CD52: variants seen among roughly 807,000 people sequenced by gnomAD.
CD52 encodes the protein CAMPATH-1 antigen.
Under a neutral mutation model 2.5 loss-of-function variants are expected in CD52, and 2 were observed. That is an observed-to-expected ratio of 0.79 (90% CI 0.32 to 2.48). CD52 has a LOEUF of 2.48. Among genes scored for constraint, CD52 ranks in the 30% most tolerant of loss-of-function variants. CD52 has a pLI of 0.11. For synonymous variants in CD52, 24 were observed against 27.7 expected (o/e 0.87, Z 0.42); for missense variants, 62 against 75.8 (o/e 0.82, Z 0.68).
In CD52 at chr1:26,320,518, C is replaced by A; in HGVS notation, c.*216C>A. ...GGGGGTCAATAAAGTTACCCTTGTA[C>A]TTGCAGTGGGGTCCTGCTTGTGGTT... On this transcript the variant is annotated 3_prime_UTR_variant, in exon 2 of 2. Coordinates refer to ENST00000374213, the MANE Select transcript of CD52 (RefSeq NM_001803.3). 1 of 541,714 alleles carries A rather than the reference C, an allele frequency of 1.8e-6. No individual in the cohort carries two copies. Among genetic ancestry groups the A allele is most frequent in the Non-Finnish European group, 3.2e-6 (1 of 315,050 alleles). The allele number at this position is 541,714 out of a possible 1,614,324, so 33.6% of individuals were successfully genotyped here.
At chr1:26,319,725 T>C (rs1486384800) in intron 1 of CD52, among the ~76,000 whole-genome samples, 2 of 151,852 alleles carry the variant, frequency 1.3e-5, no homozygotes, top group African/African-American at 2.4e-5. Flanking sequence ...GAAGTAGTGG[T>C]CACATGGGGC....
At chr1:26,320,045 G>T (rs113565235) in intron 1 of CD52, 126 bp from the exon 2 acceptor site, 5 of 1,155,806 alleles carry the variant, frequency 4.3e-6, no homozygotes, top group African/African-American at 1.6e-5. Context: ...ACTTGAACCC[G>T]GGAGGTGGAG....
rs2073841897 is a variant in CD52 at position 26,320,370 on chromosome 1, C to G, written c.*68C>G. On this transcript the variant is annotated 3_prime_UTR_variant, in exon 2 of 2. Transcript: ENST00000374213. ...TGCCACCATCACTCGCAAGAGAATCCCCTCCATCTTTGGGAGGGGTTGATG... is the reference window on the plus strand; with the variant it reads ...TGCCACCATCACTCGCAAGAGAATCGCCTCCATCTTTGGGAGGGGTTGATG... 1 of 1,539,752 alleles carries G rather than the reference C, an allele frequency of 6.5e-7. No homozygotes were observed.
chr1:26,318,207 C>T (rs12090258), intron 1 of CD52, 136 bp downstream of exon 1: 118,163 of 755,374 alleles, frequency 0.16, 10,091 homozygotes, highest in Middle Eastern at 0.2. Context: ...AACAGGAAAA[C>T]TGGGGACACA....
intron 1 of CD52, chr1:26,318,446 G>A (rs2073820501): frequency 5.3e-6 from 1 of 189,104 alleles, no homozygotes; most frequent in Non-Finnish European, 1.1e-5. Context: ...GTCCTTTGGG[G>A]AGAGGCCAGG....
intron 1 of CD52, chr1:26,318,368 A>G (rs1380611487): frequency 3.0e-6 from 1 of 333,504 alleles, no homozygotes; most frequent in Non-Finnish European, 5.6e-6. Context: ...AATAATAGAG[A>G]ACTAAGAGAC....
rs567106454 is a variant in CD52, at chr1:26,320,231, A to G, written c.115A>G (p.Ser39Gly). The G allele has an allele frequency of 1.2e-5, 20 of 1,613,808 alleles. 1 individual carries two copies. In the South Asian group the frequency reaches 2.0e-4, roughly 16 times the overall value. The change falls in exon 2 of 2, where the codon AGC (serine) becomes GGC (glycine). Residue 39 changes from serine to glycine, a missense_variant. By Grantham distance (56) the Ser-to-Gly change is moderately conservative. Coordinates refer to ENST00000374213, the MANE Select transcript of CD52 (RefSeq NM_001803.3). ...CCAAACCAGCAGCCCCTCAGCATCC[A>G]GCAACATAAGCGGAGGCATTTTCCT... ...TSQTSSPSAS[S>G]NISGGIFLFF...
At chr1:26,318,133 G>A in intron 1 of CD52, 62 bp downstream of exon 1, 2 of 1,404,366 alleles carry the variant, frequency 1.4e-6, no homozygotes, top group Non-Finnish European at 1.0e-6. Flanking sequence ...TGGAGGGAGG[G>A]CATACAGGAT....
At position 26,320,490 on chromosome 1, in the gene CD52, G is replaced by C. The variant is rs1471378953; in HGVS notation, c.*188G>C. 1 of 658,300 alleles carries C rather than the reference G, an allele frequency of 1.5e-6. No homozygotes were observed. The highest frequency in any genetic ancestry group is 2.5e-6 in the Non-Finnish European group (1 of 404,258). 40.8% of individuals were successfully genotyped at this position (658,300 alleles called of 1,614,324 possible). On this transcript the variant is annotated 3_prime_UTR_variant, in exon 2 of 2. Transcript: ENST00000374213. ...TGATGTAGGGGCCAAGCAGTGCCCA[G>C]CTGGGGGTCAATAAAGTTACCCTTG... is the stretch of plus-strand genomic sequence containing the variant.
intron 1 of CD52, among the ~76,000 whole-genome samples, chr1:26,319,441 C>A (rs569810962): frequency 7.3e-6 from 1 of 136,746 alleles, no homozygotes; most frequent in Non-Finnish European, 1.5e-5. Context: ...CCTGGGCGGG[C>A]GACAGAGCAA....
chr1:26,319,613 G>T (rs2073832523), intron 1 of CD52, among the ~76,000 whole-genome samples: 1 of 151,950 alleles, frequency 6.6e-6, no homozygotes, highest in Non-Finnish European at 1.5e-5. Context: ...CAAAAAAACA[G>T]AAAGTTTCTG....
intron 1 of CD52, chr1:26,318,904 A>C (rs1238406183): frequency 6.6e-6 from 1 of 152,412 alleles, no homozygotes; most frequent in Non-Finnish European, 1.5e-5. Flanking sequence ...TCAGAAGATG[A>C]AACTGAGGCT....
In CD52 at chr1:26,317,959, GACAGCCCTGAGATC is replaced by G; in HGVS notation, c.-56_-43del. 6.6e-7 allele frequency: 1 copy of G among 1,504,928 alleles called. No homozygotes were observed. Among genetic ancestry groups the G allele is most frequent in the South Asian group, 1.1e-5 (1 of 88,794 alleles). 93.2% of individuals were successfully genotyped at this position (1,504,928 alleles called of 1,614,324 possible). On this transcript the variant is annotated 5_prime_UTR_variant, in exon 1 of 2. Transcript: ENST00000374213. ...GCAGCTAAACCAAAAGAAGCCTCCAGACAGCCCTGAGATCACCTAAAAAGCTGCTACCAAGACAG... is the reference window on the plus strand; with the variant it reads ...GCAGCTAAACCAAAAGAAGCCTCCAGACCTAAAAAGCTGCTACCAAGACAG...
At chr1:26,319,676 G>C (rs2073833105) in intron 1 of CD52, among the ~76,000 whole-genome samples, 1 of 152,072 alleles carries the variant, frequency 6.6e-6, no homozygotes, top group South Asian at 2.1e-4. Flanking sequence ...CTGTGTCAAA[G>C]CAGGAAGCAG....
chr1:26,319,464 G>GAAA (rs146201400), intron 1 of CD52, among the ~76,000 whole-genome samples: 1 of 134,180 alleles, frequency 7.5e-6, no homozygotes, highest in Non-Finnish European at 1.6e-5. Context: ...CTCTGTCTCG[G>GAAA]AAAAAAAAAA....
At chr1:26,320,069 G>A (rs1285599724) in intron 1 of CD52, 102 bp from the exon 2 acceptor site, 53 of 1,401,008 alleles carry the variant, frequency 3.8e-5, no homozygotes, top group Middle Eastern at 1.8e-4. Context: ...GCAGTGAGCC[G>A]AGATCGCATC....
At chr1:26,318,337 G>A in intron 1 of CD52, 2 of 441,768 alleles carry the variant, frequency 4.5e-6, no homozygotes, top group East Asian at 7.3e-5. Context: ...GGCGCGTTGG[G>A]GCACCCAAGG....
intron 1 of CD52, among the ~76,000 whole-genome samples, chr1:26,319,189 G>A (rs956837779): frequency 7.9e-5 from 12 of 151,936 alleles, no homozygotes; most frequent in East Asian, 1.9e-4. Context: ...GCGCTGGCTC[G>A]CGTCTGTAAT....
chr1:26,318,056 C>T lies in CD52; in HGVS notation c.39C>T (p.Leu13=). ...TCTTCCTCCTACTCACCATCAGCCT[C>T]CTGGTTATGGTACAGGTAAGAGCAA... ...RFLFLLLTIS[L]LVMVQIQTGL... The change falls in exon 1 of 2, where the codon CTC becomes CTT. Residue 13 remains leucine, a synonymous_variant. Transcript: ENST00000374213. 6.2e-7 allele frequency: 1 copy of T among 1,614,168 alleles called. No homozygotes were observed.
Sources: gnomAD v4.1 joint callset for allele counts (sites outside exome capture counted in the v4.1 genomes callset) on GRCh38, gnomAD v4.1.1 for gene constraint, MANE v1.5 for transcripts, NCBI Gene and HGNC (gene_info 2026-07-23, HGNC 2026-07-21) for gene names.